Variants in SND1 observed in about 807,000 individuals in gnomAD.
SND1 encodes the protein staphylococcal nuclease domain-containing protein 1.
A neutral mutation model predicts 121.7 loss-of-function variants in SND1; 38 were observed. The ratio of observed to expected loss-of-function variants is 0.31; its 90% CI spans 0.24 to 0.41. The LOEUF is 0.41. SND1 is among the 10% of genes least tolerant of loss of function. The pLI is 1.00. For missense variants in SND1, 868 were observed against 1,184.6 expected (o/e 0.73, Z 3.92); for synonymous variants, 401 against 447.4 (o/e 0.90, Z 1.31).
intron 12 of SND1, among the ~76,000 whole-genome samples, chr7:127,873,828 G>C (rs1584633321): frequency 2.0e-5 from 3 of 152,052 alleles, no homozygotes; most frequent in African/African-American, 7.2e-5. Context: ...TTATTATTCA[G>C]CTCTTGAAAT....
intron 16 of SND1, among the ~76,000 whole-genome samples, chr7:127,992,475 G>C (rs2116918800): frequency 6.6e-6 from 1 of 152,300 alleles, no homozygotes; most frequent in Non-Finnish European, 1.5e-5. Flanking sequence ...AACTATGTTG[G>C]TAAAAGCAGG....
rs1209536637 is a variant in SND1, at chr7:127,918,067, T to TC, written c.1528-11121_1528-11120insC. Among the ~76,000 whole-genome samples the TC allele has an allele frequency of 3.5e-3, 523 of 150,500 alleles. 2 individuals carry two copies. The highest frequency in any genetic ancestry group is 0.027 in the Middle Eastern group (8 of 292). On this transcript the variant is annotated intron_variant, in intron 14 of 23. Transcript: ENST00000354725. ...CCATAGATTTTTTCTTTTTTTTTTT[T>TC]TCTTTTTCTTTTTTAGACAGAGTCT...
intron 9 of SND1, among the ~76,000 whole-genome samples, chr7:127,715,622 A>G (rs768560237): frequency 9.9e-5 from 15 of 152,084 alleles, no homozygotes; most frequent in African/African-American, 2.7e-4. Context: ...GGAGTTCTCT[A>G]TATATTCTGG....
At chr7:127,731,933 C>T (rs1796683714) in intron 10 of SND1, among the ~76,000 whole-genome samples, 1 of 152,172 alleles carries the variant, frequency 6.6e-6, no homozygotes, top group Non-Finnish European at 1.5e-5. Flanking sequence ...CATCTCTCAC[C>T]CCCATCACCC....
intron 12 of SND1, among the ~76,000 whole-genome samples, chr7:127,880,314 T>C (rs1799766387): frequency 6.6e-6 from 1 of 152,184 alleles, no homozygotes; most frequent in South Asian, 2.1e-4. Context: ...GGTTAAACTT[T>C]ATTATAGGTA....
At chr7:128,002,074 A>G (rs927111012) in intron 16 of SND1, among the ~76,000 whole-genome samples, 2 of 152,220 alleles carry the variant, frequency 1.3e-5, no homozygotes, top group Non-Finnish European at 2.9e-5. Flanking sequence ...TAGAATCAAC[A>G]AAGAACAACC....
intron 8 of SND1, among the ~76,000 whole-genome samples, chr7:127,706,252 T>TCCCCCCCCCC (rs796132526): frequency 5.6e-4 from 35 of 63,006 alleles, no homozygotes; most frequent in South Asian, 8.8e-4. Context: ...TTGCCCCCCC[T>TCCCCCCCCCC]CCCCCCCCCC....
At chr7:128,057,155 C>T (rs1325521462) in intron 16 of SND1, among the ~76,000 whole-genome samples, 1 of 152,070 alleles carries the variant, frequency 6.6e-6, no homozygotes, top group Non-Finnish European at 1.5e-5. Flanking sequence ...CGGTTGACCA[C>T]GGGTAAATGA....
chr7:127,693,307 G>A (rs1231093649), intron 2 of SND1, among the ~76,000 whole-genome samples: 1 of 152,114 alleles, frequency 6.6e-6, no homozygotes, highest in Non-Finnish European at 1.5e-5. Context: ...TAAAATCAAG[G>A]TGAACTTGAT....
rs1793672352 is a variant in SND1, at chr7:128,085,383, G to A, written c.2235-328G>A. ...CTGCGGCCTCCCAGGCAGATCTGCT[G>A]GCTAATTACAGCTGCTGTTTAGTGC... On this transcript the variant is annotated intron_variant, in intron 19 of 23. Transcript: ENST00000354725. The surrounding 1 kb of genome is among the most constrained non-coding windows in gnomAD (Gnocchi z 4.4). Among the ~76,000 whole-genome samples, 1 of 152,098 alleles carries A rather than the reference G, an allele frequency of 6.6e-6. No individual in the cohort carries two copies. Among genetic ancestry groups the A allele is most frequent in the Admixed American group, 6.5e-5 (1 of 15,286 alleles).
chr7:128,047,282 G>A (rs1167900674), intron 16 of SND1, among the ~76,000 whole-genome samples: 2 of 152,212 alleles, frequency 1.3e-5, no homozygotes, highest in South Asian at 2.1e-4. Flanking sequence ...TTTCCACAGT[G>A]AGTGCCTGTG....
chr7:127,733,320 A>G (rs1796714069), intron 10 of SND1, among the ~76,000 whole-genome samples: 1 of 152,220 alleles, frequency 6.6e-6, no homozygotes, highest in South Asian at 2.1e-4. Context: ...AATGCAGTAG[A>G]GGACTGGGAA....
intron 16 of SND1, among the ~76,000 whole-genome samples, chr7:128,044,706 G>A (rs1248849759): frequency 7.8e-6 from 1 of 127,958 alleles, no homozygotes; most frequent in Non-Finnish European, 1.5e-5. Context: ...AACAATTTAA[G>A]AGAATCTTCA....
chr7:127,900,056 A>C (rs1258632010), intron 13 of SND1, among the ~76,000 whole-genome samples: 1 of 151,754 alleles, frequency 6.6e-6, no homozygotes, highest in Non-Finnish European at 1.5e-5. Flanking sequence ...CTGTCATTTT[A>C]TTTTCTTTAG....
intron 15 of SND1, among the ~76,000 whole-genome samples, chr7:127,981,767 G>A (rs981239885): frequency 4.6e-5 from 7 of 152,282 alleles, no homozygotes; most frequent in African/African-American, 1.7e-4. Flanking sequence ...TCAGTATAAG[G>A]CCTCTAAGTC....
chr7:127,874,436 T>C (rs776021753), intron 12 of SND1, among the ~76,000 whole-genome samples: 26 of 152,152 alleles, frequency 1.7e-4, no homozygotes, highest in Non-Finnish European at 2.8e-4. Flanking sequence ...GTTACTGACT[T>C]GAGTCCAGAG....
Position 128,081,398 on chromosome 7 carries a change from G to C in SND1, c.2007G>C (p.Val669=), listed in dbSNP as rs778918594. ...ATGAGGAGCAGCCCGTGGAGGAGGT[G>C]ATGCCAGTGCTGGAGGAGAAGGAGC... ...AHYEEQPVEE[V]MPVLEEKERS... is the part of the protein sequence containing the mutation. Residue 669 remains valine, a synonymous_variant, in exon 18 of 24, where the codon GTG becomes GTC. Coordinates refer to ENST00000354725, the MANE Select transcript of SND1 (RefSeq NM_014390.4). The C allele has an allele frequency of 1.9e-6, 3 of 1,614,218 alleles. No individual in the cohort carries two copies. The highest frequency in any genetic ancestry group is 2.5e-6 in the Non-Finnish European group (3 of 1,180,036).
intron 8 of SND1, among the ~76,000 whole-genome samples, chr7:127,706,157 C>A (rs1366012157): frequency 1.3e-5 from 2 of 151,744 alleles, no homozygotes; most frequent in Non-Finnish European, 2.9e-5. Flanking sequence ...CTACAATGCT[C>A]AATTTCTGTT....
At chr7:127,960,225 C>T (rs190600777) in intron 15 of SND1, among the ~76,000 whole-genome samples, 2 of 152,212 alleles carry the variant, frequency 1.3e-5, no homozygotes, top group Non-Finnish European at 2.9e-5. Flanking sequence ...AATGGATTCT[C>T]ATTGCTAATT....
Sources: gnomAD v4.1 joint callset for allele counts (sites outside exome capture counted in the v4.1 genomes callset) on GRCh38, gnomAD v4.1.1 for gene constraint, Gnocchi (gnomAD v3.1) non-coding constraint, MANE v1.5 for transcripts, NCBI Gene and HGNC (gene_info 2026-07-23, HGNC 2026-07-21) for gene names.